The following PKHD1 variants were observed in gnomAD, a reference collection of about 807,000 sequenced individuals.
PKHD1 encodes fibrocystin.
In PKHD1, 291 loss-of-function variants were observed where a neutral mutation model predicts 412.0. The ratio of observed to expected loss-of-function variants is 0.71; its 90% CI spans 0.64 to 0.78. The LOEUF (loss-of-function observed/expected upper bound fraction) is 0.78. Among genes scored for constraint, PKHD1 ranks in the 30% least tolerant of loss-of-function variants. The pLI is 0.00. For missense variants in PKHD1, 4,825 were observed against 4,950.7 expected (o/e 0.97, Z 0.76); for synonymous variants, 1,777 against 1,821.5 (o/e 0.98, Z 0.62).
chr6:51,798,229 A>G (rs1794895003), intron 52 of PKHD1, among the ~76,000 whole-genome samples: 1 of 152,118 alleles, frequency 6.6e-6, no homozygotes, highest in South Asian at 2.1e-4. Context: ...AAATACAAAA[A>G]TTAGCCAGGC....
At chr6:51,663,474 A>G (rs565131295) in intron 60 of PKHD1, among the ~76,000 whole-genome samples, 1 of 152,162 alleles carries the variant, frequency 6.6e-6, no homozygotes, top group African/African-American at 2.4e-5. Flanking sequence ...ATGTAATTTG[A>G]TAAATCACAT....
At chr6:52,059,674 C>T (rs1226438878) in intron 15 of PKHD1, among the ~76,000 whole-genome samples, 3 of 152,220 alleles carry the variant, frequency 2.0e-5, no homozygotes, top group East Asian at 1.9e-4. Context: ...TACATACATA[C>T]ATTTTGCAGA....
At chr6:51,911,020 A>G (rs1479180771) in intron 39 of PKHD1, among the ~76,000 whole-genome samples, 1 of 152,104 alleles carries the variant, frequency 6.6e-6, no homozygotes, top group Non-Finnish European at 1.5e-5. Context: ...CTGGCATCTC[A>G]GTTATGACAT....
At position 52,032,232 on chromosome 6, in the gene PKHD1, A is replaced by G. The variant is rs77565613; in HGVS notation, c.3364+798T>C. On this transcript the variant is annotated intron_variant, in intron 29 of 66. Transcript: ENST00000371117. The stretch of plus-strand genomic sequence containing the variant: ...TTGAGTTCAGACTTTTTCTTTGGGA[A>G]ATATGATGGTCTTTTTACAATAAAC... 1.1e-4 allele frequency among the ~76,000 whole-genome samples: 16 copies of G among 152,324 alleles called. 1 individual carries two copies. The East Asian group carries it at 2.9e-3, about 28-fold the overall frequency.
At chr6:52,074,465 A>T (rs945215187) in intron 6 of PKHD1, among the ~76,000 whole-genome samples, 1 of 152,234 alleles carries the variant, frequency 6.6e-6, no homozygotes, top group Non-Finnish European at 1.5e-5. Flanking sequence ...GCTAAAAAAA[A>T]TCTGGCAGAA....
rs989439302 is a variant in PKHD1, at chr6:52,081,375, G to A, written c.281+1017C>T. On this transcript the variant is annotated intron_variant, in intron 4 of 66. Coordinates refer to ENST00000371117, the MANE Select transcript of PKHD1 (RefSeq NM_138694.4). ...GACATTTATTGAACATCCTCTACTCGTAAGATATTGCGCAATGCATCATGA... is the reference window on the plus strand; with the variant it reads ...GACATTTATTGAACATCCTCTACTCATAAGATATTGCGCAATGCATCATGA... 7.9e-5 allele frequency among the ~76,000 whole-genome samples: 12 copies of A among 152,138 alleles called. 1 individual carries two copies. Among genetic ancestry groups the A allele is most frequent in the African/African-American group, 2.7e-4 (11 of 41,406 alleles).
At chr6:51,899,685 G>A (rs1583273377) in intron 43 of PKHD1, among the ~76,000 whole-genome samples, 1 of 151,810 alleles carries the variant, frequency 6.6e-6, no homozygotes, top group Admixed American at 6.6e-5. Context: ...GGCAGGAGAA[G>A]GAAATAAAGG....
chr6:51,870,698 C>T, intron 46 of PKHD1, 59 bp from the exon 47 acceptor site: 27 of 1,307,476 alleles, frequency 2.1e-5, no homozygotes, highest in Non-Finnish European at 3.0e-5. Flanking sequence ...ACATGAAATA[C>T]AATTCATAAT....
At chr6:51,763,685 A>G (rs1307022430) in intron 55 of PKHD1, among the ~76,000 whole-genome samples, 1 of 152,046 alleles carries the variant, frequency 6.6e-6, no homozygotes, top group Admixed American at 6.6e-5. Context: ...CCAAGAATGC[A>G]CTTCATATTC....
chr6:51,744,494 T>C lies in PKHD1; in HGVS notation c.10047A>G (p.Pro3349=), dbSNP rs1784951258. ...VVCPELDCAS[P]RKYLFKDLDG... ...CCAGATCCTTGAAGAGATATTTTCTTGGACTTGCACAGTCTAATTCAGGAC... is the reference window on the plus strand; with the variant it reads ...CCAGATCCTTGAAGAGATATTTTCTCGGACTTGCACAGTCTAATTCAGGAC... Residue 3349 remains proline, a synonymous_variant, in exon 60 of 67, where the codon CCA becomes CCG. Coordinates refer to ENST00000371117, the MANE Select transcript of PKHD1 (RefSeq NM_138694.4). 3 of 1,613,238 alleles carry C rather than the reference T, an allele frequency of 1.9e-6. No individual in the cohort carries two copies. The highest frequency in any genetic ancestry group is 2.5e-6 in the Non-Finnish European group (3 of 1,179,300).
chr6:51,981,210 C>A (rs1292921045), intron 35 of PKHD1, among the ~76,000 whole-genome samples: 1 of 146,194 alleles, frequency 6.8e-6, no homozygotes, highest in Non-Finnish European at 1.5e-5. Flanking sequence ...ACCTCTACTC[C>A]GATTGCACAG....
At chr6:51,968,251 A>C (rs1266904) in intron 35 of PKHD1, among the ~76,000 whole-genome samples, 6 of 152,010 alleles carry the variant, frequency 3.9e-5, no homozygotes, top group African/African-American at 1.4e-4. Flanking sequence ...ATTTTTTTAC[A>C]GAAACAAACA....
chr6:51,894,456 G>T (rs1425920974), intron 43 of PKHD1, among the ~76,000 whole-genome samples: 1 of 152,172 alleles, frequency 6.6e-6, no homozygotes, highest in Non-Finnish European at 1.5e-5. Context: ...AACTAAAAAA[G>T]AATATCATAT....
chr6:52,083,066 C>T (rs1812273910), intron 3 of PKHD1, 112 bp downstream of exon 3: 1 of 792,110 alleles, frequency 1.3e-6, no homozygotes, highest in Non-Finnish European at 2.2e-6. Flanking sequence ...CGTCTCCCTT[C>T]AGGCCCACTT....
intron 8 of PKHD1, among the ~76,000 whole-genome samples, chr6:52,071,875 A>G (rs1810662558): frequency 6.6e-6 from 1 of 152,178 alleles, no homozygotes; most frequent in Non-Finnish European, 1.5e-5. Context: ...AGCCCCTAAC[A>G]AGTATTAGCT....
rs12529349 is a variant in PKHD1, at chr6:52,065,639, T to G, written c.880+337A>C. 0.28 allele frequency among the ~76,000 whole-genome samples: 42,410 copies of G among 152,038 alleles called. 6,104 individuals carry two copies. Among genetic ancestry groups the G allele is most frequent in the East Asian group, 0.43 (2,229 of 5,142 alleles). On this transcript the variant is annotated intron_variant, in intron 12 of 66. Transcript: ENST00000371117. ...TCCTGCTTGTCTATATCAAGACAGC[T>G]AACAAGGGAGAGTGAAGAGAGGGGC...
chr6:51,762,666 T>C (rs1238835361), intron 55 of PKHD1, among the ~76,000 whole-genome samples: 1 of 147,382 alleles, frequency 6.8e-6, no homozygotes, highest in African/African-American at 2.4e-5. Flanking sequence ...TATATATATA[T>C]TTTCAGGTAT....
At chr6:51,647,979 T>C in intron 63 of PKHD1, 52 bp downstream of exon 63, 1 of 1,028,246 alleles carries the variant, frequency 9.7e-7, no homozygotes, top group East Asian at 2.4e-5. Flanking sequence ...AAACATTTTC[T>C]GTGCAGATAA....
At chr6:51,635,985 A>T (rs1355995894) in intron 64 of PKHD1, among the ~76,000 whole-genome samples, 2 of 152,016 alleles carry the variant, frequency 1.3e-5, no homozygotes, top group African/African-American at 4.8e-5. Flanking sequence ...TAAAAGCCAC[A>T]GCCTACACCA....
Sources: allele counts gnomAD v4.1 joint callset (sites outside exome capture counted in the v4.1 genomes callset), GRCh38; gene constraint gnomAD v4.1.1; transcripts MANE v1.5; gene names NCBI Gene and HGNC (gene_info 2026-07-23, HGNC 2026-07-21).